PGCKA1: variants seen among roughly 807,000 people sequenced by gnomAD.
PGCKA1 encodes the protein PDCD10 and GCKIII kinases associated 1.
the PGCKA1 span, among the ~76,000 whole-genome samples, chr4:37,556,688 T>G: frequency 6.6e-6 from 1 of 152,200 alleles, no homozygotes; most frequent in Middle Eastern, 3.2e-3. Flanking sequence ...AGGATTTTGT[T>G]GGTGTCCCCT....
chr4:37,587,035 C>T, the PGCKA1 span, among the ~76,000 whole-genome samples: 52 of 151,978 alleles, frequency 3.4e-4, no homozygotes, highest in East Asian at 9.5e-3. Context: ...AAGGTGTCAC[C>T]GGGGCCACAC....
At chr4:37,463,984 C>T in the PGCKA1 span, among the ~76,000 whole-genome samples, 3 of 152,128 alleles carry the variant, frequency 2.0e-5, no homozygotes, top group South Asian at 6.2e-4. Flanking sequence ...GCAGGTATGA[C>T]TAGGCGAGGC....
chr4:37,453,704 A>G, the PGCKA1 span, among the ~76,000 whole-genome samples: 3 of 152,156 alleles, frequency 2.0e-5, no homozygotes, highest in African/African-American at 4.8e-5. Context: ...GTTTGTGCTC[A>G]GAGGCCAACA....
chr4:37,466,643 G>A, the PGCKA1 span, among the ~76,000 whole-genome samples: 7 of 152,062 alleles, frequency 4.6e-5, no homozygotes, highest in Non-Finnish European at 7.3e-5. Flanking sequence ...AGTGAGAAGT[G>A]GATGGGTTCC....
chr4:37,579,788 CCTT>C, the PGCKA1 span, among the ~76,000 whole-genome samples: 1 of 151,648 alleles, frequency 6.6e-6, no homozygotes, highest in Admixed American at 6.6e-5. Context: ...TGTTCTGTAA[CCTT>C]CTTGTGCTTG....
chr4:37,525,805 A>AT, the PGCKA1 span, among the ~76,000 whole-genome samples: 2 of 152,138 alleles, frequency 1.3e-5, no homozygotes, highest in Non-Finnish European at 2.9e-5. Flanking sequence ...CTTGAATCTC[A>AT]TAAGTAGTGT....
chr4:37,546,247 T>C, the PGCKA1 span, among the ~76,000 whole-genome samples: 1 of 152,202 alleles, frequency 6.6e-6, no homozygotes, highest in Non-Finnish European at 1.5e-5. Context: ...CAGTACCTGT[T>C]TTAAGAAAAA....
the PGCKA1 span, among the ~76,000 whole-genome samples, chr4:37,491,315 A>G: frequency 1.3e-5 from 2 of 152,208 alleles, no homozygotes; most frequent in South Asian, 4.1e-4. Flanking sequence ...TCCCATCCTC[A>G]TGATATAATT....
the PGCKA1 span, among the ~76,000 whole-genome samples, chr4:37,468,541 T>C: frequency 6.6e-6 from 1 of 152,222 alleles, no homozygotes; most frequent in Non-Finnish European, 1.5e-5. Context: ...TTGTCTCTAC[T>C]GAGCTCCACT....
the PGCKA1 span, among the ~76,000 whole-genome samples, chr4:37,563,654 CCTGAACT>C: frequency 1.6e-4 from 24 of 152,132 alleles, no homozygotes; most frequent in Non-Finnish European, 3.1e-4. Context: ...TGGGAATTAC[CCTGAACT>C]AGTTTATTCC....
chr4:37,489,990 C>G, the PGCKA1 span, among the ~76,000 whole-genome samples: 4 of 151,572 alleles, frequency 2.6e-5, no homozygotes, highest in Non-Finnish European at 5.9e-5. Context: ...GATCTCCTAT[C>G]ATTCTTAACA....
the PGCKA1 span, among the ~76,000 whole-genome samples, chr4:37,566,413 T>C: frequency 7.2e-5 from 11 of 151,876 alleles, no homozygotes; most frequent in African/African-American, 2.2e-4. Flanking sequence ...CCTGAGTAGC[T>C]GCGATTACAG....
the PGCKA1 span, among the ~76,000 whole-genome samples, chr4:37,499,917 AC>A: frequency 4.2e-5 from 3 of 71,560 alleles, no homozygotes; most frequent in Non-Finnish European, 5.5e-5. Context: ...GGTCTTCCTA[AC>A]TTTTTTTTTT....
the PGCKA1 span, among the ~76,000 whole-genome samples, chr4:37,512,166 C>A: frequency 1.3e-5 from 2 of 152,276 alleles, no homozygotes; most frequent in African/African-American, 4.8e-5. Flanking sequence ...CTGCCTCTTT[C>A]AGAGACATGA....
chr4:37,577,967 A>G, the PGCKA1 span, among the ~76,000 whole-genome samples: 8 of 152,242 alleles, frequency 5.3e-5, no homozygotes, highest in African/African-American at 1.9e-4. Context: ...GTGACCTAAC[A>G]TATGGTCTAT....
the PGCKA1 span, among the ~76,000 whole-genome samples, chr4:37,474,612 G>A: frequency 4.6e-5 from 7 of 152,258 alleles, 1 homozygote; most frequent in South Asian, 1.0e-3. Flanking sequence ...TGGTTTCTTT[G>A]TCAAAAGGGT....
the PGCKA1 span, among the ~76,000 whole-genome samples, chr4:37,485,153 G>A: frequency 6.6e-6 from 1 of 152,254 alleles, no homozygotes; most frequent in South Asian, 2.1e-4. Flanking sequence ...CTTTATTGGA[G>A]TTAAGTCCCA....
the PGCKA1 span, among the ~76,000 whole-genome samples, chr4:37,586,630 C>T: frequency 6.6e-6 from 1 of 152,202 alleles, no homozygotes; most frequent in Admixed American, 6.5e-5. Context: ...ATGGAAGCAG[C>T]CGGGCATGGT....
At chr4:37,469,082 C>T in the PGCKA1 span, among the ~76,000 whole-genome samples, 10 of 152,036 alleles carry the variant, frequency 6.6e-5, no homozygotes, top group Non-Finnish European at 1.5e-4. Context: ...CAATTGCCTA[C>T]AGTATTCAGT....
Sources: allele counts gnomAD v4.1 joint callset (sites outside exome capture counted in the v4.1 genomes callset), GRCh38; gene constraint gnomAD v4.1.1; transcripts MANE v1.5; gene names NCBI Gene and HGNC (gene_info 2026-07-23, HGNC 2026-07-21).